Variants in SUPT3H observed in about 807,000 individuals in gnomAD.
SUPT3H encodes the protein transcription initiation protein SPT3 homolog.
Under a neutral mutation model 44.3 loss-of-function variants are expected in SUPT3H, and 44 were observed. The observed-to-expected ratio is 0.99, with a 90% CI of 0.78 to 1.28. SUPT3H has a LOEUF of 1.28. Ranked by LOEUF, SUPT3H falls within the 50% of genes most tolerant of loss-of-function variation. The pLI, the probability that SUPT3H is intolerant of heterozygous loss-of-function variation, is 0.00. For synonymous variants in SUPT3H, 124 were observed against 125.6 expected, an observed-to-expected ratio of 0.99 and a Z score of 0.09; for missense variants, 380 against 387.1, an observed-to-expected ratio of 0.98 and a Z score of 0.15.
At chr6:45,349,047 T>C (rs1209695564) in intron 2 of SUPT3H, among the ~76,000 whole-genome samples, 1 of 152,216 alleles carries the variant, frequency 6.6e-6, no homozygotes, top group Non-Finnish European at 1.5e-5. Context: ...ATCTTTCCAC[T>C]GGTATCATTA....
intron 10 of SUPT3H, among the ~76,000 whole-genome samples, chr6:44,910,855 T>A (rs1243098727): frequency 6.6e-6 from 1 of 151,372 alleles, no homozygotes; most frequent in Non-Finnish European, 1.5e-5. Context: ...ATTAGCCAGG[T>A]ATGATGGCAG....
chr6:44,986,905 AT>A (rs2153494028), intron 6 of SUPT3H, among the ~76,000 whole-genome samples: 1 of 152,214 alleles, frequency 6.6e-6, no homozygotes, highest in East Asian at 1.9e-4. Context: ...TAGAGTAAGG[AT>A]TTAGAAAAGG....
intron 1 of SUPT3H, among the ~76,000 whole-genome samples, chr6:45,376,623 G>C (rs995964104): frequency 6.6e-6 from 1 of 152,134 alleles, no homozygotes; most frequent in South Asian, 2.1e-4. Context: ...CCAACGTCCC[G>C]AATATCCTGA....
At chr6:45,237,448 T>C (rs1382993095) in intron 2 of SUPT3H, among the ~76,000 whole-genome samples, 2 of 152,150 alleles carry the variant, frequency 1.3e-5, no homozygotes, top group African/African-American at 2.4e-5. Context: ...ATTACAACAA[T>C]GGGGAACACA....
intron 10 of SUPT3H, among the ~76,000 whole-genome samples, chr6:44,927,503 T>G (rs116355563): frequency 2.0e-5 from 3 of 152,198 alleles, no homozygotes; most frequent in Non-Finnish European, 4.4e-5. Context: ...TATGCAAATA[T>G]GTAAAATCAC....
intron 2 of SUPT3H, among the ~76,000 whole-genome samples, chr6:45,231,059 T>G (rs9472451): frequency 0.63 from 95,173 of 151,974 alleles, 30,585 homozygotes; most frequent in African/African-American, 0.78. Flanking sequence ...TAACTGTTGT[T>G]TAGTTGTTTT....
At position 45,328,325 on chromosome 6, in the gene SUPT3H, G is replaced by A. The variant is rs755849928; in HGVS notation, c.101+36876C>T. The A allele has an allele frequency of 1.2e-5, 17 of 1,372,140 alleles. No individual in the cohort carries two copies. In the Middle Eastern group the frequency reaches 8.3e-4, roughly 67 times the overall value. 85.0% of individuals were successfully genotyped at this position (1,372,140 alleles called of 1,614,324 possible). A position where few individuals can be genotyped will look rare whatever the true frequency, so the allele number is the denominator to read the frequency against. On this transcript the variant is annotated intron_variant, in intron 2 of 10. Coordinates refer to ENST00000371459, the MANE Select transcript of SUPT3H (RefSeq NM_003599.4). The stretch of plus-strand genomic sequence containing the variant: ...TTTTGCTTTTTTGGATTGTGTGAAT[G>A]CTTCATTCGCCTCACAAACAACCAC...
At chr6:44,817,278 T>C (rs993446855) in intron 11 of SUPT3H, among the ~76,000 whole-genome samples, 1 of 150,466 alleles carries the variant, frequency 6.6e-6, no homozygotes, top group African/African-American at 2.4e-5. Flanking sequence ...GAAATCCATT[T>C]GATAAAATTC....
chr6:45,243,196 T>TAAAAAA (rs1770696040), intron 2 of SUPT3H, among the ~76,000 whole-genome samples: 1 of 6,698 alleles, frequency 1.5e-4, no homozygotes, highest in African/African-American at 2.0e-3. Flanking sequence ...AGACTCCTTC[T>TAAAAAA]CAAAAAAAAA....
At chr6:45,069,092 C>T (rs1428356594) in intron 3 of SUPT3H, among the ~76,000 whole-genome samples, 1 of 152,054 alleles carries the variant, frequency 6.6e-6, no homozygotes, top group African/African-American at 2.4e-5. Flanking sequence ...TCAATAAGTA[C>T]TGTATTGAAC....
At chr6:45,128,533 A>AATATATATATATATATAT (rs1554257895) in intron 2 of SUPT3H, among the ~76,000 whole-genome samples, 45 of 52,246 alleles carry the variant, frequency 8.6e-4, no homozygotes, top group Non-Finnish European at 1.2e-3. Flanking sequence ...AAAAAAAAAA[A>AATATATATATATATATAT]ATATATATAT....
intron 2 of SUPT3H, among the ~76,000 whole-genome samples, chr6:45,138,621 C>CTGTG (rs909561156): frequency 1.3e-5 from 2 of 150,618 alleles, no homozygotes; most frequent in South Asian, 4.2e-4. Context: ...GTGTGTGTGT[C>CTGTG]TGTGTGTGTG....
intron 2 of SUPT3H, among the ~76,000 whole-genome samples, chr6:45,238,777 A>T (rs972652746): frequency 6.6e-6 from 1 of 152,192 alleles, no homozygotes; most frequent in Non-Finnish European, 1.5e-5. Context: ...CATGGATATG[A>T]TCCTGGAAAA....
intron 10 of SUPT3H, among the ~76,000 whole-genome samples, chr6:44,841,473 A>G (rs1581928112): frequency 6.6e-6 from 1 of 152,182 alleles, no homozygotes; most frequent in Admixed American, 6.5e-5. Context: ...GTTTAAAGAC[A>G]CCCACATAGG....
intron 2 of SUPT3H, among the ~76,000 whole-genome samples, chr6:45,352,880 T>C (rs930418107): frequency 6.6e-6 from 1 of 152,090 alleles, no homozygotes; most frequent in African/African-American, 2.4e-5. Context: ...AAAATTAAAC[T>C]GGTCATTTAT....
At chr6:45,216,697 G>A (rs1326757955) in intron 2 of SUPT3H, among the ~76,000 whole-genome samples, 1 of 152,142 alleles carries the variant, frequency 6.6e-6, no homozygotes, top group African/African-American at 2.4e-5. Context: ...ATAGTAAAAA[G>A]AGACAATGAA....
intron 3 of SUPT3H, among the ~76,000 whole-genome samples, chr6:45,072,567 AT>A (rs1794522712): frequency 6.6e-6 from 1 of 152,112 alleles, no homozygotes; most frequent in Non-Finnish European, 1.5e-5. Flanking sequence ...TTTTATTCTC[AT>A]TTTTAAAGTT....
At chr6:45,221,822 A>C (rs1441764334) in intron 2 of SUPT3H, among the ~76,000 whole-genome samples, 1 of 152,152 alleles carries the variant, frequency 6.6e-6, no homozygotes, top group Non-Finnish European at 1.5e-5. Context: ...AGAACAGCTA[A>C]AACAATCTTA....
At chr6:45,279,622 C>T (rs889188803) in intron 2 of SUPT3H, among the ~76,000 whole-genome samples, 7 of 152,290 alleles carry the variant, frequency 4.6e-5, no homozygotes, top group African/African-American at 1.7e-4. Flanking sequence ...TCTGAGGCAT[C>T]ATAAGAAGTC....
Sources: allele counts gnomAD v4.1 joint callset (sites outside exome capture counted in the v4.1 genomes callset), GRCh38; gene constraint gnomAD v4.1.1; transcripts MANE v1.5; gene names NCBI Gene and HGNC (gene_info 2026-07-23, HGNC 2026-07-21).